The following LRRC37A2 variants were observed in gnomAD, a reference collection of about 807,000 sequenced individuals.
LRRC37A2 encodes leucine-rich repeat-containing protein 37A2.
A neutral mutation model predicts 68.8 loss-of-function variants in LRRC37A2; 9 were observed. The observed-to-expected ratio is 0.13, with a 90% CI of 0.08 to 0.23. The LOEUF is 0.23. LRRC37A2 is among the 10% of genes least tolerant of loss of function. The pLI, the probability that LRRC37A2 is intolerant of heterozygous loss-of-function variation, is 1.00. For missense variants in LRRC37A2, 168 were observed against 950.4 expected, an observed-to-expected ratio of 0.18 and a Z score of 10.82; for synonymous variants, 63 against 367.6, an observed-to-expected ratio of 0.17 and a Z score of 9.48.
chr17:46,781,455 T>G, the LRRC37A2 span, among the ~76,000 whole-genome samples: 1 of 148,230 alleles, frequency 6.7e-6, no homozygotes. Flanking sequence ...AGCTACAACA[T>G]AGAAGAAACT....
At chr17:46,661,168 CT>C in the LRRC37A2 span, among the ~76,000 whole-genome samples, 1 of 129,238 alleles carries the variant, frequency 7.7e-6, no homozygotes, top group Non-Finnish European at 1.6e-5. Flanking sequence ...GTCAGTTACC[CT>C]TGCACTACAG....
At chr17:46,799,649 T>A in the LRRC37A2 span, among the ~76,000 whole-genome samples, 1 of 152,084 alleles carries the variant, frequency 6.6e-6, no homozygotes, top group East Asian at 1.9e-4. Context: ...AGTTTCACCA[T>A]GTTGGCCAGG....
At chr17:46,971,534 C>T in the LRRC37A2 span, among the ~76,000 whole-genome samples, 1 of 152,148 alleles carries the variant, frequency 6.6e-6, no homozygotes, top group Non-Finnish European at 1.5e-5. Flanking sequence ...GAACCCCACA[C>T]AGATCCTGGC....
the LRRC37A2 span, among the ~76,000 whole-genome samples, chr17:46,736,460 G>C: frequency 6.6e-6 from 1 of 152,158 alleles, no homozygotes; most frequent in Non-Finnish European, 1.5e-5. Flanking sequence ...TGTCCTTGGG[G>C]ATCTCACAAT....
At chr17:46,984,668 T>A in the LRRC37A2 span, among the ~76,000 whole-genome samples, 1 of 151,856 alleles carries the variant, frequency 6.6e-6, no homozygotes, top group Non-Finnish European at 1.5e-5. Context: ...CAGTAAGAAG[T>A]CCCCCTCCTC....
chr17:46,905,287 G>A, the LRRC37A2 span, among the ~76,000 whole-genome samples: 10 of 152,068 alleles, frequency 6.6e-5, no homozygotes, highest in African/African-American at 2.4e-4. Flanking sequence ...TGTTGGCCAG[G>A]CTGGTCTCGA....
At chr17:46,974,078 TC>T in the LRRC37A2 span, among the ~76,000 whole-genome samples, 1 of 152,086 alleles carries the variant, frequency 6.6e-6, no homozygotes, top group African/African-American at 2.4e-5. Flanking sequence ...CCTCCCTACT[TC>T]CCCCGTTCTA....
the LRRC37A2 span, among the ~76,000 whole-genome samples, chr17:46,844,687 A>T: frequency 1.3e-5 from 2 of 152,176 alleles, no homozygotes; most frequent in Non-Finnish European, 2.9e-5. Context: ...ATGAAAACAA[A>T]CTAAAAGATG....
the LRRC37A2 span, among the ~76,000 whole-genome samples, chr17:47,002,168 T>C: frequency 6.6e-6 from 1 of 152,218 alleles, no homozygotes; most frequent in Non-Finnish European, 1.5e-5. Flanking sequence ...TGTATCCATG[T>C]TGCTTTGTGT....
At chr17:46,769,137 C>G in the LRRC37A2 span, among the ~76,000 whole-genome samples, 3 of 151,836 alleles carry the variant, frequency 2.0e-5, no homozygotes, top group Non-Finnish European at 4.4e-5. Context: ...GCCAACATGG[C>G]GAAACCCCGT....
chr17:46,712,072 G>T, the LRRC37A2 span, among the ~76,000 whole-genome samples: 10 of 152,312 alleles, frequency 6.6e-5, no homozygotes, highest in Middle Eastern at 3.4e-3. Flanking sequence ...TTATGATGGA[G>T]AATGGATTGG....
chr17:46,996,545 G>T, the LRRC37A2 span, among the ~76,000 whole-genome samples: 3 of 152,246 alleles, frequency 2.0e-5, no homozygotes, highest in Non-Finnish European at 2.9e-5. Flanking sequence ...ACTCTGTGCA[G>T]GTCTGACTTC....
chr17:46,875,492 G>A, the LRRC37A2 span: 1 of 1,310,220 alleles, frequency 7.6e-7, no homozygotes, highest in South Asian at 1.6e-5. Flanking sequence ...CATAAAGGCA[G>A]GATGAACTTC....
At chr17:46,956,330 G>T in the LRRC37A2 span, among the ~76,000 whole-genome samples, 171 of 105,828 alleles carry the variant, frequency 1.6e-3, 1 homozygote, top group African/African-American at 6.3e-3. Context: ...CGCTTTTGTT[G>T]CCCAGGCTGG....
the LRRC37A2 span, among the ~76,000 whole-genome samples, chr17:47,041,452 CTTTTTTT>C: frequency 2.5e-4 from 9 of 36,480 alleles, no homozygotes; most frequent in Non-Finnish European, 2.0e-4. Flanking sequence ...TTGGATGTCT[CTTTTTTT>C]TTTTTTTTTT....
At chr17:46,769,203 C>G in the LRRC37A2 span, among the ~76,000 whole-genome samples, 2 of 151,682 alleles carry the variant, frequency 1.3e-5, no homozygotes, top group East Asian at 3.9e-4. Flanking sequence ...GTAATCCCAG[C>G]TACTTGGGAG....
chr17:46,848,249 G>A, the LRRC37A2 span, among the ~76,000 whole-genome samples: 2 of 152,194 alleles, frequency 1.3e-5, no homozygotes, highest in East Asian at 1.9e-4. Flanking sequence ...CATGGAGCCC[G>A]TGTCCGAGCC....
chr17:46,716,012 C>A, the LRRC37A2 span, among the ~76,000 whole-genome samples: 1 of 152,066 alleles, frequency 6.6e-6, no homozygotes, highest in Admixed American at 6.5e-5. Context: ...AAATATTATT[C>A]TTTGTCATTA....
At chr17:46,773,244 A>G in the LRRC37A2 span, among the ~76,000 whole-genome samples, 2 of 152,120 alleles carry the variant, frequency 1.3e-5, no homozygotes, top group Non-Finnish European at 2.9e-5. Context: ...GGGCAACGCA[A>G]TGCTACCACA....
Sources: gnomAD v4.1 joint callset for allele counts (sites outside exome capture counted in the v4.1 genomes callset) on GRCh38, gnomAD v4.1.1 for gene constraint, MANE v1.5 for transcripts, NCBI Gene and HGNC (gene_info 2026-07-23, HGNC 2026-07-21) for gene names.